GRAMD1B: variants seen among roughly 807,000 people sequenced by gnomAD.
GRAMD1B encodes the protein protein Aster-B.
A neutral mutation model predicts 99.7 loss-of-function variants in GRAMD1B; 37 were observed. That is an observed-to-expected ratio of 0.37 (90% CI 0.29 to 0.49). The LOEUF (loss-of-function observed/expected upper bound fraction) is 0.49, where lower values mean the gene tolerates loss of function less well. GRAMD1B is among the 20% of genes least tolerant of loss of function. GRAMD1B has a pLI of 0.98. For missense variants in GRAMD1B, 888 were observed against 1,009.2 expected (o/e 0.88, Z 1.63); for synonymous variants, 427 against 387.6 (o/e 1.10, Z -1.19).
chr11:123,431,400 G>T (rs1466976540), intron 1 of GRAMD1B, among the ~76,000 whole-genome samples: 1 of 152,248 alleles, frequency 6.6e-6, no homozygotes, highest in Non-Finnish European at 1.5e-5. Context: ...ACGTTTACGT[G>T]GGGCTTTACG....
chr11:123,512,637 C>T (rs1941144689), intron 2 of GRAMD1B, among the ~76,000 whole-genome samples: 1 of 151,314 alleles, frequency 6.6e-6, no homozygotes. Flanking sequence ...ACTTTCAGGA[C>T]CTTGACCAAG....
intron 1 of GRAMD1B, among the ~76,000 whole-genome samples, chr11:123,377,671 C>T (rs764182793): frequency 2.0e-5 from 3 of 152,222 alleles, no homozygotes; most frequent in South Asian, 4.1e-4. Context: ...CTGAACTAGA[C>T]GTGCTCCCTG....
chr11:123,560,496 G>T, intron 2 of GRAMD1B: 1 of 1,229,832 alleles, frequency 8.1e-7, no homozygotes, highest in South Asian at 1.4e-5. Context: ...CCCCTCCCCC[G>T]TTAGAAACAG....
intron 2 of GRAMD1B, chr11:123,526,319 G>A (rs1419170012): frequency 2.9e-6 from 2 of 691,808 alleles, no homozygotes; most frequent in Non-Finnish European, 5.2e-6. Flanking sequence ...TTTAAAAGTT[G>A]GGGTACTCTC....
intron 2 of GRAMD1B, chr11:123,560,297 G>C: frequency 8.7e-7 from 1 of 1,146,896 alleles, no homozygotes; most frequent in Non-Finnish European, 1.1e-6. Flanking sequence ...GAGTCAGAGG[G>C]AGAGAGAGAA....
At chr11:123,499,933 T>C (rs554996861) in intron 2 of GRAMD1B, among the ~76,000 whole-genome samples, 1 of 152,358 alleles carries the variant, frequency 6.6e-6, no homozygotes, top group South Asian at 2.1e-4. Flanking sequence ...CACTCATCTT[T>C]TTTCCCTGTA....
chr11:123,521,910 G>A (rs532821623), intron 2 of GRAMD1B, among the ~76,000 whole-genome samples: 1 of 152,052 alleles, frequency 6.6e-6, no homozygotes, highest in Non-Finnish European at 1.5e-5. Context: ...AATTTTTGAC[G>A]TTTAAATATT....
chr11:123,396,994 T>C (rs781386109), intron 1 of GRAMD1B, among the ~76,000 whole-genome samples: 1 of 152,224 alleles, frequency 6.6e-6, no homozygotes, highest in Non-Finnish European at 1.5e-5. Context: ...TTACATATAA[T>C]AAAATGCAGA....
chr11:123,560,604 T>C (rs1456520077), intron 2 of GRAMD1B: 1 of 511,764 alleles, frequency 2.0e-6, no homozygotes, highest in Non-Finnish European at 3.6e-6. Flanking sequence ...AATGAATGAG[T>C]TCCTCTCTGC....
intron 1 of GRAMD1B, among the ~76,000 whole-genome samples, chr11:123,368,980 GA>G (rs143161090): frequency 2.6e-5 from 4 of 151,676 alleles, no homozygotes; most frequent in Admixed American, 6.6e-5. Flanking sequence ...GGGGAAGAAA[GA>G]AAAAAAATGA....
chr11:123,598,932 G>A, intron 7 of GRAMD1B: 2 of 1,116,620 alleles, frequency 1.8e-6, no homozygotes, highest in Admixed American at 3.4e-5. Flanking sequence ...CCTGTCTTTA[G>A]GAATGTCAAA....
chr11:123,523,094 G>A (rs1942354349), intron 2 of GRAMD1B, among the ~76,000 whole-genome samples: 1 of 152,196 alleles, frequency 6.6e-6, no homozygotes, highest in Non-Finnish European at 1.5e-5. Context: ...TACTTTGGGA[G>A]GCCGAGGTGG....
rs541123031 is a variant in GRAMD1B at position 123,539,770 on chromosome 11, C to G, written c.453-37597C>G. ...TATTGCAGCTACCGACACCCTCATC[C>G]ATTGCAGGGCATGTCACATACCGTT... On this transcript the variant is annotated intron_variant, in intron 2 of 19. Coordinates refer to ENST00000635736, the MANE Select transcript of GRAMD1B (RefSeq NM_001387025.1). 3.9e-5 allele frequency among the ~76,000 whole-genome samples: 6 copies of G among 152,314 alleles called. No homozygotes were observed. The East Asian group carries it at 1.2e-3, about 29-fold the overall frequency.
At chr11:123,496,323 G>A (rs995596999) in intron 2 of GRAMD1B, among the ~76,000 whole-genome samples, 1 of 151,896 alleles carries the variant, frequency 6.6e-6, no homozygotes, top group African/African-American at 2.4e-5. Context: ...TGAGAAGTTT[G>A]CTGCCAGATG....
intron 3 of GRAMD1B, among the ~76,000 whole-genome samples, chr11:123,578,757 G>A (rs747548447): frequency 2.6e-4 from 39 of 152,282 alleles, no homozygotes; most frequent in East Asian, 7.7e-4. Context: ...CCTGCCTGGC[G>A]TTAGTTTCAT....
chr11:123,482,824 C>T (rs963131156), intron 2 of GRAMD1B, among the ~76,000 whole-genome samples: 1 of 152,056 alleles, frequency 6.6e-6, no homozygotes, highest in African/African-American at 2.4e-5. Flanking sequence ...TTTGGGAAGC[C>T]AAGGTAGGCA....
At position 123,458,023 on chromosome 11, in the gene GRAMD1B, A is replaced by G. The variant is rs150958626; in HGVS notation, c.375-22793A>G. Reference sequence around the variant, plus strand: ...AAGCCACCATGCCTGGCTGCCACATATTTTAAATAGATGAGTACCACTTTA... The same window carrying G: ...AAGCCACCATGCCTGGCTGCCACATGTTTTAAATAGATGAGTACCACTTTA... On this transcript the variant is annotated intron_variant, in intron 1 of 19. Transcript: ENST00000635736. Among the ~76,000 whole-genome samples the G allele has an allele frequency of 1.6e-4, 24 of 152,294 alleles. No homozygotes were observed. The East Asian group carries it at 4.1e-3, about 26-fold the overall frequency.
In GRAMD1B at chr11:123,606,678, GACA is replaced by G. The variant is rs1271650064; in HGVS notation, c.1397_1399del (p.Asn466del). On this transcript the variant is annotated inframe_deletion, in exon 11 of 20. Transcript: ENST00000635736. ...GTCCCTGGAAAAGGAGCTCGCCATT[GACA>G]ACATCATGGGGGAGAAGATTGAGAT... 5 of 1,613,514 alleles carry G rather than the reference GACA, an allele frequency of 3.1e-6. No individual in the cohort carries two copies. Among genetic ancestry groups the G allele is most frequent in the African/African-American group, 1.3e-5 (1 of 75,034 alleles).
chr11:123,367,090 C>A (rs1946345502), intron 1 of GRAMD1B, among the ~76,000 whole-genome samples: 1 of 152,122 alleles, frequency 6.6e-6, no homozygotes, highest in Non-Finnish European at 1.5e-5. Context: ...GTAGTCGTAG[C>A]TACTTGGGAG....
Sources: allele counts gnomAD v4.1 joint callset (sites outside exome capture counted in the v4.1 genomes callset), GRCh38; gene constraint gnomAD v4.1.1; transcripts MANE v1.5; gene names NCBI Gene and HGNC (gene_info 2026-07-23, HGNC 2026-07-21).